The following TENM4 variants were observed in gnomAD, a reference collection of about 807,000 sequenced individuals.
TENM4 encodes teneurin transmembrane protein 4.
TENM4 carries 82 observed loss-of-function variants against 243.3 expected under a neutral mutation model. That is an observed-to-expected ratio of 0.34 (90% CI 0.28 to 0.40). The LOEUF (loss-of-function observed/expected upper bound fraction) is 0.40. Among genes scored for constraint, TENM4 ranks in the 10% least tolerant of loss-of-function variants. The probability of loss-of-function intolerance (pLI) is 1.00; values close to 1 mark genes in which losing one functional copy is unlikely to be tolerated. For missense variants in TENM4, 3,138 were observed against 3,673.3 expected, an observed-to-expected ratio of 0.85 and a Z score of 3.77; for synonymous variants, 1,412 against 1,456.3, an observed-to-expected ratio of 0.97 and a Z score of 0.69.
In TENM4 at chr11:78,783,994, C is replaced by A. The variant is rs969770246; in HGVS notation, c.2365+2904G>T. Among the ~76,000 whole-genome samples the A allele has an allele frequency of 5.3e-5, 8 of 152,128 alleles. No homozygotes were observed. The South Asian group carries it at 1.5e-3, about 28-fold the overall frequency. ...GCCATTCCTTCCTGTTTACGCAGGT[C>A]GGCAGTATGTAAATAAACAGGCCCT... On this transcript the variant is annotated intron_variant, in intron 16 of 33. Transcript: ENST00000278550.
intron 16 of TENM4, among the ~76,000 whole-genome samples, chr11:78,785,154 G>T (rs1856910132): frequency 6.6e-6 from 1 of 152,020 alleles, no homozygotes; most frequent in East Asian, 1.9e-4. Context: ...GAAAAGGGAA[G>T]GTGAGGGGAA....
intron 2 of TENM4, among the ~76,000 whole-genome samples, chr11:79,232,177 T>C (rs941630693): frequency 2.6e-5 from 4 of 152,234 alleles, no homozygotes; most frequent in African/African-American, 9.6e-5. Flanking sequence ...TCCAAGGTCA[T>C]AGAGCCAAGG....
intron 4 of TENM4, among the ~76,000 whole-genome samples, chr11:79,073,896 T>TGTCA (rs1222011713): frequency 6.6e-6 from 1 of 152,192 alleles, no homozygotes; most frequent in African/African-American, 2.4e-5. Context: ...TACGGGTAAG[T>TGTCA]GTCAGTTATA....
rs1858861197 is a variant in TENM4 at position 78,862,978 on chromosome 11, G to A, written c.1239C>T (p.Gly413=). ...GTGLETPDRK[G]KGTTEGKPSS... ...CAACCCTACCTTCTGTGGTTCCTTT[G>A]CCTTTCCTGTCAGGGGTCTCTAAGC... Residue 413 remains glycine, a synonymous_variant, in exon 10 of 34, where the codon GGC becomes GGT. Transcript: ENST00000278550. 1.4e-6 allele frequency: 2 copies of A among 1,470,148 alleles called. No homozygotes were observed. The highest frequency in any genetic ancestry group is 2.8e-5 in the African/African-American group (2 of 71,218). 91.1% of individuals were successfully genotyped at this position (1,470,148 alleles called of 1,614,324 possible).
intron 9 of TENM4, among the ~76,000 whole-genome samples, chr11:78,868,649 G>C (rs922144723): frequency 6.6e-6 from 1 of 152,182 alleles, no homozygotes. Context: ...TCAGCACCCG[G>C]CCAGCAGGAG....
At chr11:78,797,953 G>A (rs1591031028) in intron 15 of TENM4, among the ~76,000 whole-genome samples, 1 of 152,180 alleles carries the variant, frequency 6.6e-6, no homozygotes, top group Non-Finnish European at 1.5e-5. Flanking sequence ...TGTTGGTGCT[G>A]TGCTTTCTGG....
chr11:79,436,028 G>T (rs1435495541), intron 1 of TENM4, among the ~76,000 whole-genome samples: 1 of 152,110 alleles, frequency 6.6e-6, no homozygotes, highest in Non-Finnish European at 1.5e-5. Context: ...TGGATGCAAG[G>T]TTGGTGGTTC....
chr11:78,752,222 C>T (rs566230800), intron 19 of TENM4, among the ~76,000 whole-genome samples: 1 of 152,334 alleles, frequency 6.6e-6, no homozygotes, highest in South Asian at 2.1e-4. Flanking sequence ...CACAGATGAA[C>T]CAGAGAGGGC....
intron 2 of TENM4, among the ~76,000 whole-genome samples, chr11:79,229,213 G>C (rs902959087): frequency 3.9e-5 from 6 of 152,162 alleles, no homozygotes; most frequent in Admixed American, 3.9e-4. Flanking sequence ...CTGGGCCCCT[G>C]GCCAAAAGCT....
chr11:79,259,772 G>A (rs984988478), intron 2 of TENM4, among the ~76,000 whole-genome samples: 1 of 152,066 alleles, frequency 6.6e-6, no homozygotes, highest in Non-Finnish European at 1.5e-5. Flanking sequence ...CATCTACTAT[G>A]TACTCACTAT....
chr11:78,660,229 C>T (rs1248081359), intron 33 of TENM4, among the ~76,000 whole-genome samples: 5 of 152,192 alleles, frequency 3.3e-5, no homozygotes, highest in Non-Finnish European at 7.3e-5. Context: ...GCTCTGGGGC[C>T]AGGCAGACTT....
At chr11:79,194,880 A>G (rs922307989) in intron 3 of TENM4, among the ~76,000 whole-genome samples, 2 of 152,188 alleles carry the variant, frequency 1.3e-5, no homozygotes, top group South Asian at 2.1e-4. Context: ...TCTCCAGGCC[A>G]TGTCAGAGAC....
At chr11:79,034,615 G>T (rs1565175988) in intron 6 of TENM4, among the ~76,000 whole-genome samples, 1 of 151,920 alleles carries the variant, frequency 6.6e-6, no homozygotes, top group Non-Finnish European at 1.5e-5. Context: ...GGTATCTATG[G>T]GGCCTAAAAA....
intron 9 of TENM4, among the ~76,000 whole-genome samples, chr11:78,875,256 TC>T (rs1859240346): frequency 6.6e-6 from 1 of 151,952 alleles, no homozygotes; most frequent in Non-Finnish European, 1.5e-5. Flanking sequence ...TGAGACAGAG[TC>T]TCACTCTGTT....
At chr11:78,914,758 C>T (rs981452701) in intron 6 of TENM4, among the ~76,000 whole-genome samples, 3 of 152,200 alleles carry the variant, frequency 2.0e-5, no homozygotes, top group African/African-American at 7.2e-5. Flanking sequence ...TCAGGTTCAA[C>T]AACTTAACAA....
chr11:79,031,560 G>A (rs549536860), intron 6 of TENM4, among the ~76,000 whole-genome samples: 191 of 152,276 alleles, frequency 1.3e-3, no homozygotes, highest in Middle Eastern at 6.8e-3. Context: ...ATCCAGCACC[G>A]ATCCAGGCAT....
chr11:79,422,193 G>A (rs1237216574), intron 1 of TENM4: 1 of 152,980 alleles, frequency 6.5e-6, no homozygotes, highest in Admixed American at 6.6e-5. Context: ...TAAGCTAATG[G>A]TGACAGGGGC....
intron 12 of TENM4, among the ~76,000 whole-genome samples, chr11:78,846,394 C>T (rs1218629689): frequency 2.0e-5 from 3 of 152,208 alleles, no homozygotes; most frequent in African/African-American, 7.2e-5. Context: ...GGCTATTTTA[C>T]ATACCAGTGA....
At chr11:79,045,727 T>C (rs1411545491) in intron 6 of TENM4, among the ~76,000 whole-genome samples, 1 of 151,750 alleles carries the variant, frequency 6.6e-6, no homozygotes, top group African/African-American at 2.4e-5. Flanking sequence ...TGACGCCTTT[T>C]TTTTTTTTTT....
Sources: gnomAD v4.1 joint callset for allele counts (sites outside exome capture counted in the v4.1 genomes callset) on GRCh38, gnomAD v4.1.1 for gene constraint, MANE v1.5 for transcripts, NCBI Gene and HGNC (gene_info 2026-07-23, HGNC 2026-07-21) for gene names.